Variants in MAMLD1 observed in about 807,000 individuals in gnomAD.
MAMLD1 encodes mastermind like domain containing 1.
Under a neutral mutation model 45.0 loss-of-function variants are expected in MAMLD1, and 14 were observed. The observed-to-expected ratio is 0.31, with a 90% CI of 0.21 to 0.49. The LOEUF (loss-of-function observed/expected upper bound fraction) is 0.49. MAMLD1 is among the 20% of genes least tolerant of loss of function. The pLI, the probability that MAMLD1 is intolerant of heterozygous loss-of-function variation, is 0.99. For synonymous variants in MAMLD1, 254 were observed against 247.8 expected, an observed-to-expected ratio of 1.02 and a Z score of -0.24; for missense variants, 543 against 603.6, an observed-to-expected ratio of 0.90 and a Z score of 1.05.
At chrX:150,433,737 C>A (rs782478938) in intron 1 of MAMLD1, among the ~76,000 whole-genome samples, 1 of 111,912 alleles carries the variant, frequency 8.9e-6, no homozygotes, top group Admixed American at 9.5e-5. Context: ...TTGAACCGAC[C>A]TTGCATCACA....
At chrX:150,490,731 A>C (rs1242914399) in intron 5 of MAMLD1, among the ~76,000 whole-genome samples, 1 of 111,676 alleles carries the variant, frequency 9.0e-6, no homozygotes, top group African/African-American at 3.3e-5. Context: ...TGTGGCCATA[A>C]AAGGGGAAGG....
At chrX:150,498,905 C>T (rs190083446) in intron 5 of MAMLD1, among the ~76,000 whole-genome samples, 333 of 112,436 alleles carry the variant, frequency 3.0e-3, no homozygotes, top group Non-Finnish European at 4.0e-3. Context: ...TTACGTTTTC[C>T]TGTTTCCCCG....
chrX:150,448,750 T>A (rs1169451863), intron 2 of MAMLD1, among the ~76,000 whole-genome samples: 2 of 111,924 alleles, frequency 1.8e-5, no homozygotes, highest in Non-Finnish European at 3.8e-5. Flanking sequence ...GATCCCTAGA[T>A]CAGTAGGTCA....
intron 1 of MAMLD1, among the ~76,000 whole-genome samples, chrX:150,392,233 C>T (rs1332389019): frequency 8.9e-6 from 1 of 112,131 alleles, no homozygotes; most frequent in East Asian, 2.8e-4. Context: ...CTTATTCAGT[C>T]TTGTTGCTGC....
At chrX:150,385,861 A>G (rs1314909778) in intron 1 of MAMLD1, among the ~76,000 whole-genome samples, 2 of 112,433 alleles carry the variant, frequency 1.8e-5, no homozygotes, top group Middle Eastern at 4.6e-3. Flanking sequence ...CCTGTATCAT[A>G]GAAGGGTTCA....
intron 1 of MAMLD1, among the ~76,000 whole-genome samples, chrX:150,370,462 G>A (rs1353819353): frequency 8.9e-6 from 1 of 112,079 alleles, no homozygotes. Context: ...AAAGGAAGAA[G>A]AAAAGGCCCC....
chrX:150,453,824 C>T (rs782373549), intron 2 of MAMLD1, among the ~76,000 whole-genome samples: 128 of 112,342 alleles, frequency 1.1e-3, no homozygotes, highest in African/African-American at 3.9e-3. Context: ...GCCCTCCTGC[C>T]TGGGATGCTC....
At chrX:150,370,779 T>A (rs1400208221) in intron 1 of MAMLD1, among the ~76,000 whole-genome samples, 4 of 111,688 alleles carry the variant, frequency 3.6e-5, no homozygotes, top group Non-Finnish European at 5.7e-5. Context: ...AAATCTGACA[T>A]CTTTATAACA....
At chrX:150,469,639 C>T in intron 3 of MAMLD1, 106 bp from the exon 4 acceptor site, 1 of 390,801 alleles carries the variant, frequency 2.6e-6, no homozygotes, top group Non-Finnish European at 4.2e-6. Context: ...CTCTCTGTCT[C>T]TCTCTCTCTC....
chrX:150,363,718 C>A (rs1305482653), intron 1 of MAMLD1, among the ~76,000 whole-genome samples, 188 bp downstream of exon 1: 1 of 112,727 alleles, frequency 8.9e-6, no homozygotes, highest in Non-Finnish European at 1.9e-5. Context: ...CTTCTCGAAC[C>A]AGCCCGGCTG....
chrX:150,476,069 A>G (rs1213440577), intron 5 of MAMLD1, among the ~76,000 whole-genome samples: 4 of 112,034 alleles, frequency 3.6e-5, no homozygotes, highest in Non-Finnish European at 5.6e-5. Flanking sequence ...CAAATTTACA[A>G]AAGTAAAATT....
intron 5 of MAMLD1, among the ~76,000 whole-genome samples, chrX:150,496,158 C>T: frequency 8.9e-6 from 1 of 112,944 alleles, no homozygotes; most frequent in Non-Finnish European, 1.9e-5. Flanking sequence ...AGTTGGATGG[C>T]TCCCTTGGAA....
At chrX:150,406,194 C>T (rs918053244) in intron 1 of MAMLD1, among the ~76,000 whole-genome samples, 4 of 110,657 alleles carry the variant, frequency 3.6e-5, no homozygotes, top group African/African-American at 1.3e-4. Flanking sequence ...TTTTAACCCT[C>T]GCAGCATCTG....
chrX:150,419,294 G>A (rs1207594245), intron 1 of MAMLD1, among the ~76,000 whole-genome samples: 1 of 98,579 alleles, frequency 1.0e-5, no homozygotes, highest in Non-Finnish European at 2.1e-5. Context: ...TTGCTTGGTA[G>A]ATCTTCCTCC....
At chrX:150,402,818 A>G (rs2033833426) in intron 1 of MAMLD1, among the ~76,000 whole-genome samples, 1 of 110,933 alleles carries the variant, frequency 9.0e-6, no homozygotes, top group Non-Finnish European at 1.9e-5. Context: ...AAACTATCGC[A>G]AGAACAAAAA....
At chrX:150,495,617 CCAGA>C (rs782405318) in intron 5 of MAMLD1, among the ~76,000 whole-genome samples, 205 of 112,594 alleles carry the variant, frequency 1.8e-3, no homozygotes, top group African/African-American at 6.2e-3. Context: ...AGGAAATTCA[CCAGA>C]CAAAGGGTCA....
chrX:150,511,904 T>G, intron 7 of MAMLD1, 100 bp from the exon 8 acceptor site: 4 of 752,499 alleles, frequency 5.3e-6, no homozygotes, highest in East Asian at 3.9e-5. Context: ...GGGCGGGAGG[T>G]GAGAAGTCCG....
chrX:150,495,245 G>A lies in MAMLD1; in HGVS notation c.2041-8029G>A, dbSNP rs782675493. ...AACAAACAAACAAACAACAGCAACA[G>A]CAAAAAACCTTAGTGGAAGACACAA... On this transcript the variant is annotated intron_variant, in intron 5 of 7. Transcript: ENST00000370401. 5.5e-4 allele frequency among the ~76,000 whole-genome samples: 55 copies of A among 99,419 alleles called. No individual in the cohort carries two copies. In the South Asian group the frequency reaches 0.014, roughly 26 times the overall value. 86.3% of individuals were successfully genotyped at this position (99,419 alleles called of 115,157 possible).
At chrX:150,460,164 G>A (rs1267621968) in intron 2 of MAMLD1, among the ~76,000 whole-genome samples, 8 of 112,285 alleles carry the variant, frequency 7.1e-5, no homozygotes, top group African/African-American at 2.3e-4. Context: ...GTGCCCACAG[G>A]CAAGGTTGCC....
Sources: allele counts gnomAD v4.1 joint callset (sites outside exome capture counted in the v4.1 genomes callset), GRCh38; gene constraint gnomAD v4.1.1; transcripts MANE v1.5; gene names NCBI Gene and HGNC (gene_info 2026-07-23, HGNC 2026-07-21).